The following NTRK3 variants were observed in gnomAD, a reference collection of about 807,000 sequenced individuals.
The protein encoded by NTRK3 is NT-3 growth factor receptor.
Under a neutral mutation model 91.7 loss-of-function variants are expected in NTRK3, and 24 were observed. The observed-to-expected ratio is 0.26, with a 90% confidence interval of 0.19 to 0.37. The LOEUF is 0.37. Among genes scored for constraint, NTRK3 ranks in the 10% least tolerant of loss-of-function variants. NTRK3 has a pLI of 1.00. For missense variants in NTRK3, 880 were observed against 1,068.9 expected (o/e 0.82, Z 2.46); for synonymous variants, 483 against 404.0 (o/e 1.20, Z -2.34).
intron 13 of NTRK3, among the ~76,000 whole-genome samples, chr15:88,038,542 G>A (rs2079281609): frequency 6.6e-6 from 1 of 152,060 alleles, no homozygotes; most frequent in South Asian, 2.1e-4. Context: ...CCTAGACCTG[G>A]GCATGAAAAG....
chr15:88,240,730 T>G lies in NTRK3; in HGVS notation c.248+15176A>C, dbSNP rs1250621965. 6.6e-6 allele frequency among the ~76,000 whole-genome samples: 1 copy of G among 152,222 alleles called. No homozygotes were observed. The highest frequency in any genetic ancestry group is 1.5e-5 in the Non-Finnish European group (1 of 68,034). ...GATCGTGGGACCTGCCATGTCACTGTGCTGAGAATGGAAGCGGGTTAAAAT... is the reference window on the plus strand; with the variant it reads ...GATCGTGGGACCTGCCATGTCACTGGGCTGAGAATGGAAGCGGGTTAAAAT... On this transcript the variant is annotated intron_variant, in intron 3 of 18. Transcript: ENST00000394480. This position sits in a 1 kb window ranked among gnomAD's most constrained non-coding sequence, Gnocchi z 4.9.
chr15:87,928,069 T>G (rs1019527538), intron 17 of NTRK3: 1 of 152,260 alleles, frequency 6.6e-6, no homozygotes, highest in Non-Finnish European at 1.5e-5. Flanking sequence ...AATCTCCACC[T>G]CCCAGGTTCA....
At chr15:88,024,546 G>C (rs1177996263) in intron 14 of NTRK3, among the ~76,000 whole-genome samples, 5 of 152,182 alleles carry the variant, frequency 3.3e-5, no homozygotes, top group Non-Finnish European at 7.3e-5. Context: ...GAGGGGCCAA[G>C]ACGACGCCAA....
intron 14 of NTRK3, among the ~76,000 whole-genome samples, chr15:87,959,564 G>A (rs916025258): frequency 2.6e-5 from 4 of 152,256 alleles, no homozygotes; most frequent in East Asian, 3.9e-4. Context: ...AGCTTAAGAC[G>A]ACAGCCATCT....
chr15:88,184,131 T>A, intron 4 of NTRK3, 94 bp downstream of exon 4: 1 of 1,221,482 alleles, frequency 8.2e-7, no homozygotes, highest in Non-Finnish European at 1.2e-6. Context: ...CGGATGGCAG[T>A]CTTGCTGTGC....
At chr15:88,137,284 A>C (rs2041964417) in intron 7 of NTRK3, 120 bp downstream of exon 7, 1 of 1,187,836 alleles carries the variant, frequency 8.4e-7, no homozygotes, top group Non-Finnish European at 1.2e-6. Flanking sequence ...TGCAGAGTTC[A>C]AGGCTGGGAG....
intron 17 of NTRK3, among the ~76,000 whole-genome samples, chr15:87,918,935 G>A (rs190305518): frequency 2.0e-5 from 3 of 152,298 alleles, no homozygotes; most frequent in East Asian, 1.9e-4. Context: ...CAAAGAAACC[G>A]AGTGACTGAA....
intron 17 of NTRK3, among the ~76,000 whole-genome samples, chr15:87,894,487 G>A (rs187792947): frequency 3.3e-5 from 5 of 152,100 alleles, no homozygotes; most frequent in African/African-American, 1.2e-4. Flanking sequence ...TGGGCCTGTC[G>A]GTCCTGCCCT....
chr15:88,022,470 G>A (rs181422618), intron 14 of NTRK3, among the ~76,000 whole-genome samples: 6 of 152,222 alleles, frequency 3.9e-5, no homozygotes, highest in Admixed American at 2.6e-4. Context: ...TCCAGTTGAC[G>A]AAGAAAAAAC....
chr15:88,198,394 T>C (rs2048014457), intron 3 of NTRK3, among the ~76,000 whole-genome samples: 1 of 152,322 alleles, frequency 6.6e-6, no homozygotes, highest in Non-Finnish European at 1.5e-5. Context: ...CTCTGGGTAC[T>C]CAGAATGTCA....
In NTRK3 at chr15:88,237,742, T is replaced by C. The variant is rs2051927672; in HGVS notation, c.248+18164A>G. On this transcript the variant is annotated intron_variant, in intron 3 of 18. Coordinates refer to ENST00000394480, the Ensembl canonical transcript of NTRK3. This position sits in a 1 kb window ranked among gnomAD's most constrained non-coding sequence, Gnocchi z 4.0. ...ACCGACTAAGCAGACACTTTGGGCA[T>C]TCGCAACAAGACACACCAAAATAAA... Among the ~76,000 whole-genome samples, 1 of 152,022 alleles carries C rather than the reference T, an allele frequency of 6.6e-6. No individual in the cohort carries two copies. Among genetic ancestry groups the C allele is most frequent in the South Asian group, 2.1e-4 (1 of 4,824 alleles).
exon 19 of NTRK3, chr15:87,861,956 G>A (rs531190687): frequency 9.3e-6 from 2 of 214,666 alleles, no homozygotes; most frequent in East Asian, 6.9e-5. Flanking sequence ...CTTCCCCTCT[G>A]TTCTAAGGGA....
At chr15:88,044,254 C>CTTTTTTTTT (rs1181028004) in intron 13 of NTRK3, among the ~76,000 whole-genome samples, 108 of 78,498 alleles carry the variant, frequency 1.4e-3, no homozygotes, top group Non-Finnish European at 1.9e-3. Flanking sequence ...AGTCTATGTT[C>CTTTTTTTTT]TTTTTTTTTT....
intron 14 of NTRK3, among the ~76,000 whole-genome samples, chr15:87,985,866 A>C (rs985737277): frequency 5.3e-5 from 8 of 152,096 alleles, no homozygotes; most frequent in African/African-American, 1.9e-4. Flanking sequence ...CTCTAACTCA[A>C]AAAAAGGGGG....
chr15:87,874,561 A>T (rs1483208288), exon 19 of NTRK3: 1 of 233,230 alleles, frequency 4.3e-6, no homozygotes. Flanking sequence ...CCCATCAGTG[A>T]CTATCAGTTT....
chr15:88,106,408 C>A (rs1485153232), intron 13 of NTRK3, among the ~76,000 whole-genome samples: 5 of 152,074 alleles, frequency 3.3e-5, no homozygotes, highest in Admixed American at 6.6e-5. Flanking sequence ...AGCCTTGGGG[C>A]AAATGGATTA....
chr15:88,036,201 C>T (rs915917477), intron 13 of NTRK3, among the ~76,000 whole-genome samples: 3 of 151,830 alleles, frequency 2.0e-5, no homozygotes, highest in African/African-American at 4.8e-5. Context: ...CACGCACATA[C>T]ACACACACAC....
chr15:88,112,158 G>A (rs1175945415), intron 13 of NTRK3, among the ~76,000 whole-genome samples: 4 of 152,068 alleles, frequency 2.6e-5, no homozygotes, highest in African/African-American at 7.3e-5. Flanking sequence ...CGCCCGCCTT[G>A]GCCTCCCAAA....
chr15:87,864,542 G>T (rs2064611693), exon 19 of NTRK3: 1 of 229,290 alleles, frequency 4.4e-6, no homozygotes, highest in Non-Finnish European at 8.6e-6. Flanking sequence ...AAATGAGCTT[G>T]TTCAAGGAAG....
Sources: allele counts gnomAD v4.1 joint callset (sites outside exome capture counted in the v4.1 genomes callset), GRCh38; gene constraint gnomAD v4.1.1; non-coding constraint Gnocchi (gnomAD v3.1); transcripts MANE v1.5; gene names NCBI Gene and HGNC (gene_info 2026-07-23, HGNC 2026-07-21).